Variants in SPPL2C observed in about 807,000 individuals in gnomAD.
SPPL2C encodes signal peptide peptidase-like 2C.
SPPL2C carries 33 observed loss-of-function variants against 38.8 expected under a neutral mutation model. The observed-to-expected ratio is 0.85, with a 90% CI of 0.64 to 1.14. The LOEUF is 1.14. Ranked by LOEUF, SPPL2C falls within the 50% of genes most tolerant of loss-of-function variation. The pLI, the probability that SPPL2C is intolerant of heterozygous loss-of-function variation, is 0.00. For missense variants in SPPL2C, 899 were observed against 904.4 expected, an observed-to-expected ratio of 0.99 and a Z score of 0.08; for synonymous variants, 384 against 390.7, an observed-to-expected ratio of 0.98 and a Z score of 0.20.
chr17:45,845,392 C>T lies in SPPL2C; in HGVS notation c.486C>T (p.Leu162=). The change falls in exon 1 of 1, where the codon CTC becomes CTT. Residue 162 remains leucine (L), a synonymous_variant. Transcript: ENST00000329196. ...ACTATGCTGACATGCTGGACATCCT[C>T]AGCCACACTCGTGGGGAGGCCGTCG... is the stretch of plus-strand genomic sequence containing the variant. ...MLHYADMLDI[L]SHTRGEAVVR... 6.2e-7 allele frequency: 1 copy of T among 1,613,642 alleles called. No homozygotes were observed. The highest frequency in any genetic ancestry group is 1.7e-5 in the Admixed American group (1 of 60,028).
rs1288533829 is a variant in SPPL2C at position 45,846,156 on chromosome 17, A to G, written c.1250A>G (p.His417Arg). 14 of 1,614,056 alleles carry G rather than the reference A, an allele frequency of 8.7e-6. No homozygotes were observed. The highest frequency in any genetic ancestry group is 1.2e-5 in the Non-Finnish European group (14 of 1,180,034). Residue 417 changes from histidine to arginine, a missense_variant, in exon 1 of 1, where the codon CAT becomes CGT. By Grantham distance (29) the His-to-Arg change is conservative. Transcript: ENST00000329196. ...TTGGGCCCTGCAGAGTCTTCAAGCC[A>G]TGAGAGGCTGCCCATGGTACTCAAA... ...VALGPAESSS[H>R]ERLPMVLKVP...
Position 45,846,712 on chromosome 17 carries a change from G to C in SPPL2C, c.1806G>C (p.Glu602Asp). 6.2e-7 allele frequency: 1 copy of C among 1,614,180 alleles called. No homozygotes were observed. Residue 602 changes from glutamate (E) to aspartate (D), a missense_variant, in exon 1 of 1, where the codon GAG (glutamate) becomes GAC (aspartate). By Grantham distance (45) the Glu-to-Asp change is conservative. Transcript: ENST00000329196. ...CAGAGGACCGCAGTGATAGCTCCGA[G>C]GGCTGGAGTGACGCCCACTTGGATC... ...TNPEDRSDSS[E>D]GWSDAHLDPN...
chr17:45,846,574 C>A lies in SPPL2C; in HGVS notation c.1668C>A (p.His556Gln), dbSNP rs772418201. The A allele has an allele frequency of 2.3e-5, 37 of 1,613,588 alleles. No individual in the cohort carries two copies. The highest frequency in any genetic ancestry group is 3.1e-5 in the Non-Finnish European group (37 of 1,180,032). The change falls in exon 1 of 1, where the codon CAC becomes CAA. Residue 556 changes from histidine to glutamine, a missense_variant. His to Gln is a conservative substitution (Grantham distance 24). Transcript: ENST00000329196. Reference sequence around the variant, plus strand: ...AGCAGGAGGGCGCAGCAGATGCCCACACAGCCAGCACACTTGAGAGAGGCA... The same window carrying A: ...AGCAGGAGGGCGCAGCAGATGCCCAAACAGCCAGCACACTTGAGAGAGGCA... ...RQKQEGAADA[H>Q]TASTLERGTS...
rs770293760 is a variant in SPPL2C, at chr17:45,845,174, C to T, written c.268C>T (p.Arg90Cys). ...CCGCTCCCCCAGCCAGCGGCCCCTC[C>T]GCCAGACCACTGCCATGGTCATGAG... ...QLRSPSQRPLRQTTAMVMRGN... is the reference protein window; with the variant it reads ...QLRSPSQRPLCQTTAMVMRGN... Residue 90 changes from arginine to cysteine, a missense_variant, in exon 1 of 1, where the codon CGC (arginine) becomes TGC (cysteine). Physicochemically the swap from Arg to Cys is radical, Grantham distance 180 (BLOSUM62 -3). Transcript: ENST00000329196. 13 of 1,613,038 alleles carry T rather than the reference C, an allele frequency of 8.1e-6. No individual in the cohort carries two copies. Among genetic ancestry groups the T allele is most frequent in the Middle Eastern group, 3.3e-4 (2 of 6,056 alleles).
chr17:45,846,021 T>G lies in SPPL2C; in HGVS notation c.1115T>G (p.Leu372Arg). The stretch of plus-strand genomic sequence containing the variant: ...CTGCACCGTGTGCGGCTGCCCACTC[T>G]CAAGAACTGCTCCTCCTTCCTGCTG... ...FVLHRVRLPT[L>R]KNCSSFLLAL... The change falls in exon 1 of 1, where the codon CTC (leucine) becomes CGC (arginine). Residue 372 changes from leucine (L) to arginine (R), a missense_variant. Leu to Arg is a moderately radical substitution (Grantham distance 102). Coordinates refer to ENST00000329196, the MANE Select transcript of SPPL2C (RefSeq NM_175882.3). The G allele has an allele frequency of 2.5e-6, 4 of 1,614,040 alleles. No individual in the cohort carries two copies. Among genetic ancestry groups the G allele is most frequent in the Non-Finnish European group, 3.4e-6 (4 of 1,180,024 alleles).
In SPPL2C at chr17:45,845,010, G is replaced by A. The variant is rs2062522133; in HGVS notation, c.104G>A (p.Ser35Asn). 6.2e-7 allele frequency: 1 copy of A among 1,614,010 alleles called. No individual in the cohort carries two copies. Among genetic ancestry groups the A allele is most frequent in the South Asian group, 1.1e-5 (1 of 91,088 alleles). The change falls in exon 1 of 1, where the codon AGC becomes AAC. Residue 35 changes from serine (S) to asparagine (N), a missense_variant. Ser to Asn is a conservative substitution (Grantham distance 46). Transcript: ENST00000329196. ...GVAHVVSENW[S>N]KDYCILFSSD... is the part of the protein sequence containing the mutation. ...GCCCACGTGGTGTCGGAGAATTGGA[G>A]CAAGGACTACTGTATCCTGTTCAGC... is the stretch of plus-strand genomic sequence containing the variant.
Position 45,846,777 on chromosome 17 carries a change from A to G in SPPL2C, c.1871A>G (p.Glu624Gly). ...TTCATCCCCCCTGGGGCCTCGGAGG[A>G]GCTGATGCCACTGATGCCAATGGCC... is the stretch of plus-strand genomic sequence containing the variant. Reference protein sequence around the residue: ...LPFIPPGASEELMPLMPMAML... With the variant: ...LPFIPPGASEGLMPLMPMAML... Residue 624 changes from glutamate to glycine, a missense_variant, in exon 1 of 1, where the codon GAG becomes GGG. Physicochemically the swap from Glu to Gly is moderately conservative, Grantham distance 98. Transcript: ENST00000329196. The G allele has an allele frequency of 6.2e-7, 1 of 1,614,060 alleles. No individual in the cohort carries two copies. The highest frequency in any genetic ancestry group is 8.5e-7 in the Non-Finnish European group (1 of 1,180,022).
rs1230080070 is a variant in SPPL2C at position 45,845,743 on chromosome 17, T to C, written c.837T>C (p.Tyr279=). 2 of 1,613,250 alleles carry C rather than the reference T, an allele frequency of 1.2e-6. No individual in the cohort carries two copies. The highest frequency in any genetic ancestry group is 8.5e-7 in the Non-Finnish European group (1 of 1,180,028). Residue 279 remains tyrosine (Y), a synonymous_variant, in exon 1 of 1, where the codon TAT becomes TAC. Coordinates refer to ENST00000329196, the MANE Select transcript of SPPL2C (RefSeq NM_175882.3). ...LLYFFYDHFV[Y]VTIGIFGLGA... is the part of the protein sequence containing the mutation. ...ACTTCTTCTATGACCACTTTGTCTA[T>C]GTCACCATTGGGATCTTTGGCCTGG...
Position 45,846,845 on chromosome 17 carries a change from C to A in SPPL2C, c.1939C>A (p.Leu647Met). Residue 647 changes from leucine (L) to methionine (M), a missense_variant, in exon 1 of 1, where the codon CTG becomes ATG. Leu to Met is a conservative substitution (Grantham distance 15, BLOSUM62 2). Coordinates refer to ENST00000329196, the MANE Select transcript of SPPL2C (RefSeq NM_175882.3). ...LMPLMPPPSE[L>M]GHVHAQAQAH... ...GCCCCTGATGCCCCCGCCCTCAGAG[C>A]TGGGCCATGTCCATGCCCAGGCCCA... 1.2e-6 allele frequency: 2 copies of A among 1,613,804 alleles called. No individual in the cohort carries two copies. The highest frequency in any genetic ancestry group is 1.7e-5 in the Admixed American group (1 of 60,030).
At position 45,845,021 on chromosome 17, in the gene SPPL2C, T is replaced by C. The variant is rs774950031; in HGVS notation, c.115T>C (p.Cys39Arg). Residue 39 changes from cysteine (C) to arginine (R), a missense_variant, in exon 1 of 1, where the codon TGT (cysteine) becomes CGT (arginine). By Grantham distance (180) the Cys-to-Arg change is radical. Transcript: ENST00000329196. ...GTCGGAGAATTGGAGCAAGGACTACTGTATCCTGTTCAGCTCCGACTACAT... is the reference window on the plus strand; with the variant it reads ...GTCGGAGAATTGGAGCAAGGACTACCGTATCCTGTTCAGCTCCGACTACAT... ...VVSENWSKDY[C>R]ILFSSDYITL... The C allele has an allele frequency of 1.2e-6, 2 of 1,614,088 alleles. No individual in the cohort carries two copies. Among genetic ancestry groups the C allele is most frequent in the Non-Finnish European group, 1.7e-6 (2 of 1,179,966 alleles).
rs2062550421 is a variant in SPPL2C, at chr17:45,846,646, C to T, written c.1740C>T (p.Thr580=). The T allele has an allele frequency of 5.6e-6, 9 of 1,614,228 alleles. No individual in the cohort carries two copies. The highest frequency in any genetic ancestry group is 2.2e-5 in the South Asian group (2 of 91,086). ...GDLDSNPGED[T]TEIVTISENE... is the part of the protein sequence containing the mutation. ...TAGACAGCAACCCTGGAGAAGACAC[C>T]ACTGAGATTGTCACCATATCTGAGA... Residue 580 remains threonine, a synonymous_variant, in exon 1 of 1, where the codon ACC becomes ACT. Transcript: ENST00000329196.
In SPPL2C at chr17:45,845,043, A is replaced by G. The variant is rs145837446; in HGVS notation, c.137A>G (p.Tyr46Cys). ...KDYCILFSSD[Y>C]ITLPRDLHHA... ...TACTGTATCCTGTTCAGCTCCGACTACATCACCCTCCCCCGGGACCTGCAC... is the reference window on the plus strand; with the variant it reads ...TACTGTATCCTGTTCAGCTCCGACTGCATCACCCTCCCCCGGGACCTGCAC... Residue 46 changes from tyrosine (Y) to cysteine (C), a missense_variant, in exon 1 of 1, where the codon TAC becomes TGC. Tyr to Cys is a radical substitution (Grantham distance 194). Coordinates refer to ENST00000329196, the MANE Select transcript of SPPL2C (RefSeq NM_175882.3). 3,610 of 1,614,036 alleles carry G rather than the reference A, an allele frequency of 2.2e-3. 13 individuals carry two copies. The highest frequency in any genetic ancestry group is 3.3e-3 in the Middle Eastern group (20 of 6,062).
chr17:45,845,274 G>A lies in SPPL2C; in HGVS notation c.368G>A (p.Arg123Gln), dbSNP rs17763658. 118,848 of 1,613,782 alleles carry A rather than the reference G, an allele frequency of 0.074. 4,597 individuals are homozygous for A. Among genetic ancestry groups the A allele is most frequent in the East Asian group, 0.12 (5,416 of 44,848 alleles). Residue 123 changes from arginine (R) to glutamine (Q), a missense_variant, in exon 1 of 1, where the codon CGG (arginine) becomes CAG (glutamine). By Grantham distance (43) the Arg-to-Gln change is conservative. Coordinates refer to ENST00000329196, the MANE Select transcript of SPPL2C (RefSeq NM_175882.3). ...GCCCACGGGCTGCTCATCGTGAGCC[G>A]GGTCAGTGACCAACAGTGCTCAGAC... ...QGAHGLLIVS[R>Q]VSDQQCSDTT...
chr17:45,845,246 G>A lies in SPPL2C; in HGVS notation c.340G>A (p.Gly114Ser). The A allele has an allele frequency of 6.2e-7, 1 of 1,613,788 alleles. No individual in the cohort carries two copies. The highest frequency in any genetic ancestry group is 8.5e-7 in the Non-Finnish European group (1 of 1,179,876). Residue 114 changes from glycine to serine, a missense_variant, in exon 1 of 1, where the codon GGT becomes AGT. Transcript: ENST00000329196. The part of the protein sequence containing the change: ...HTKGWLAQGQ[G>S]AHGLLIVSRV... Reference sequence around the variant, plus strand: ...GAAAGGCTGGCTGGCTCAGGGCCAAGGTGCCCACGGGCTGCTCATCGTGAG... The same window carrying A: ...GAAAGGCTGGCTGGCTCAGGGCCAAAGTGCCCACGGGCTGCTCATCGTGAG...
rs1568086487 is a variant in SPPL2C, at chr17:45,846,632, C to A, written c.1726C>A (p.Pro576Thr). 2 of 1,614,104 alleles carry A rather than the reference C, an allele frequency of 1.2e-6. No homozygotes were observed. The highest frequency in any genetic ancestry group is 8.5e-7 in the Non-Finnish European group (1 of 1,180,052). The change falls in exon 1 of 1, where the codon CCT becomes ACT. Residue 576 changes from proline to threonine, a missense_variant. By Grantham distance (38) the Pro-to-Thr change is conservative (BLOSUM62 -1). Transcript: ENST00000329196. ...SRGAGDLDSN[P>T]GEDTTEIVTI... ...AGGAGCAGGGGACTTAGACAGCAAC[C>A]CTGGAGAAGACACCACTGAGATTGT...
Position 45,846,460 on chromosome 17 carries a change from C to T in SPPL2C, c.1554C>T (p.Cys518=), listed in dbSNP as rs1460200640. ...TLLTSLAVAA[C]RQELSLFWTG... is the part of the protein sequence containing the mutation. ...TCACCAGCCTGGCTGTGGCTGCCTG[C>T]CGCCAAGAGCTCAGCCTCTTCTGGA... Residue 518 remains cysteine, a synonymous_variant, in exon 1 of 1, where the codon TGC becomes TGT. Coordinates refer to ENST00000329196, the MANE Select transcript of SPPL2C (RefSeq NM_175882.3). 2.5e-6 allele frequency: 4 copies of T among 1,612,684 alleles called. No homozygotes were observed. Among genetic ancestry groups the T allele is most frequent in the African/African-American group, 1.3e-5 (1 of 74,944 alleles).
rs2062541241 is a variant in SPPL2C at position 45,846,033 on chromosome 17, C to T, written c.1127C>T (p.Ser376Phe). ...CGGCTGCCCACTCTCAAGAACTGCT[C>T]CTCCTTCCTGCTGGCCCTGCTGGCC... is the stretch of plus-strand genomic sequence containing the variant. ...RVRLPTLKNC[S>F]SFLLALLAFD... is the part of the protein sequence containing the mutation. The change falls in exon 1 of 1, where the codon TCC (serine) becomes TTC (phenylalanine). Residue 376 changes from serine to phenylalanine, a missense_variant. By Grantham distance (155) the Ser-to-Phe change is radical (BLOSUM62 -2). Coordinates refer to ENST00000329196, the MANE Select transcript of SPPL2C (RefSeq NM_175882.3). 2 of 1,614,024 alleles carry T rather than the reference C, an allele frequency of 1.2e-6. No homozygotes were observed. The highest frequency in any genetic ancestry group is 1.7e-6 in the Non-Finnish European group (2 of 1,180,038).
In SPPL2C at chr17:45,846,893, T is replaced by C. The variant is rs1410623507; in HGVS notation, c.1987T>C (p.Trp663Arg). 1 of 1,604,466 alleles carries C rather than the reference T, an allele frequency of 6.2e-7. No homozygotes were observed. ...QAQAHETGLP[W>R]AGLHKRKGLK... ...CCAGGCCCACGAGACTGGCCTGCCC[T>C]GGGCGGGACTCCACAAGAGGAAGGG... Residue 663 changes from tryptophan to arginine, a missense_variant, in exon 1 of 1, where the codon TGG (tryptophan) becomes CGG (arginine). By Grantham distance (101) the Trp-to-Arg change is moderately radical (BLOSUM62 -3). Coordinates refer to ENST00000329196, the MANE Select transcript of SPPL2C (RefSeq NM_175882.3).
Position 45,845,993 on chromosome 17 carries a change from G to A in SPPL2C, c.1087G>A (p.Val363Ile), listed in dbSNP as rs116972939. 45 of 1,613,236 alleles carry A rather than the reference G, an allele frequency of 2.8e-5. No individual in the cohort carries two copies. Among genetic ancestry groups the A allele is most frequent in the African/African-American group, 1.9e-4 (14 of 75,060 alleles). ...ACTGGGCATTTCCTACTGCCTGTTC[G>A]TCCTGCACCGTGTGCGGCTGCCCAC... ...DTLGISYCLF[V>I]LHRVRLPTLK... The change falls in exon 1 of 1, where the codon GTC becomes ATC. Residue 363 changes from valine (V) to isoleucine (I), a missense_variant. By Grantham distance (29) the Val-to-Ile change is conservative. Coordinates refer to ENST00000329196, the MANE Select transcript of SPPL2C (RefSeq NM_175882.3).
Sources: allele counts gnomAD v4.1 joint callset, GRCh38; gene constraint gnomAD v4.1.1; transcripts MANE v1.5; gene names NCBI Gene and HGNC (gene_info 2026-07-23, HGNC 2026-07-21).